The following SAMD5 variants were observed in gnomAD, a reference collection of about 807,000 sequenced individuals.
The protein encoded by SAMD5 is sterile alpha motif domain-containing protein 5.
SAMD5 carries 13 observed loss-of-function variants against 11.3 expected under a neutral mutation model. The ratio of observed to expected loss-of-function variants is 1.15; its 90% confidence interval spans 0.75 to 1.83. The LOEUF (loss-of-function observed/expected upper bound fraction) is 1.83. SAMD5 is among the 40% of genes most tolerant of loss of function. The pLI is 0.00. For missense variants in SAMD5, 255 were observed against 239.1 expected, an observed-to-expected ratio of 1.07 and a Z score of -0.44; for synonymous variants, 129 against 111.3, an observed-to-expected ratio of 1.16 and a Z score of -1.00.
At chr6:147,626,644 A>G (rs1790054333) in intron 1 of SAMD5, among the ~76,000 whole-genome samples, 2 of 152,042 alleles carry the variant, frequency 1.3e-5, no homozygotes, top group Admixed American at 6.5e-5. Context: ...AAAAGAACCA[A>G]TGCCTTAAAA....
intron 1 of SAMD5, among the ~76,000 whole-genome samples, chr6:147,534,876 CAAG>C (rs1008887544): frequency 6.6e-6 from 1 of 152,154 alleles, no homozygotes; most frequent in African/African-American, 2.4e-5. Context: ...AGTCCCCAGG[CAAG>C]AAGGAGAGGT....
In SAMD5 at chr6:147,701,489, C is replaced by A. The variant is rs191414419; in HGVS notation, c.163-35828C>A. 1.9e-3 allele frequency among the ~76,000 whole-genome samples: 291 copies of A among 151,936 alleles called. 3 individuals carry two copies. Among genetic ancestry groups the A allele is most frequent in the African/African-American group, 6.7e-3 (279 of 41,466 alleles). ...TCTGTACTAAAAATACAAAAATTAG[C>A]CAGGCGTGGTGACACGCGCCTGTAA... On this transcript the variant is annotated intron_variant, in intron 1 of 1. Transcript: ENST00000566741.
chr6:147,707,759 C>G (rs1430290519), intron 1 of SAMD5, among the ~76,000 whole-genome samples: 1 of 152,100 alleles, frequency 6.6e-6, no homozygotes, highest in Non-Finnish European at 1.5e-5. Flanking sequence ...TAAACAGATA[C>G]TGAAGAAAAG....
intron 1 of SAMD5, among the ~76,000 whole-genome samples, chr6:147,644,593 ATAAT>A (rs1479400287): frequency 2.0e-5 from 3 of 152,204 alleles, no homozygotes; most frequent in South Asian, 2.1e-4. Context: ...TTCAAAACTT[ATAAT>A]TAGAGAGTCT....
At chr6:147,641,477 G>A (rs1790311115) in intron 1 of SAMD5, among the ~76,000 whole-genome samples, 1 of 152,094 alleles carries the variant, frequency 6.6e-6, no homozygotes, top group African/African-American at 2.4e-5. Flanking sequence ...AGAAAGCAGG[G>A]GCACGTCGCA....
the SAMD5 span, among the ~76,000 whole-genome samples, chr6:147,917,888 G>C: frequency 6.6e-6 from 1 of 152,154 alleles, no homozygotes; most frequent in African/African-American, 2.4e-5. Flanking sequence ...TATTATTTCT[G>C]AGGGCTCTGT....
the SAMD5 span, among the ~76,000 whole-genome samples, chr6:147,921,264 G>A: frequency 1.7e-5 from 2 of 120,148 alleles, no homozygotes; most frequent in African/African-American, 7.4e-5. Flanking sequence ...AAACAAAAGA[G>A]AGAGTATAAA....
At chr6:147,792,450 A>G in the SAMD5 span, among the ~76,000 whole-genome samples, 7 of 152,296 alleles carry the variant, frequency 4.6e-5, no homozygotes, top group Non-Finnish European at 7.4e-5. Flanking sequence ...TTGTGAACTA[A>G]TGTTTAGCTA....
At chr6:147,635,717 C>G (rs972174848) in intron 1 of SAMD5, among the ~76,000 whole-genome samples, 1 of 152,176 alleles carries the variant, frequency 6.6e-6, no homozygotes, top group African/African-American at 2.4e-5. Context: ...CTTTGGCATG[C>G]CTTTCATGCA....
At chr6:147,561,158 T>G (rs779416113) in intron 1 of SAMD5, among the ~76,000 whole-genome samples, 2 of 152,218 alleles carry the variant, frequency 1.3e-5, no homozygotes, top group Non-Finnish European at 2.9e-5. Flanking sequence ...TAACTTGGTA[T>G]TTATTCCTGC....
intron 1 of SAMD5, among the ~76,000 whole-genome samples, chr6:147,655,813 AC>A (rs1294889904): frequency 6.6e-6 from 1 of 152,202 alleles, no homozygotes; most frequent in Non-Finnish European, 1.5e-5. Context: ...GACAATTAAA[AC>A]AATATAAATG....
chr6:147,852,427 C>T, the SAMD5 span, among the ~76,000 whole-genome samples: 1 of 151,820 alleles, frequency 6.6e-6, no homozygotes, highest in Non-Finnish European at 1.5e-5. Context: ...GTGGTATTTC[C>T]TGAGTATTTG....
the SAMD5 span, among the ~76,000 whole-genome samples, chr6:147,748,067 C>T: frequency 6.6e-6 from 1 of 152,134 alleles, no homozygotes; most frequent in Non-Finnish European, 1.5e-5. Context: ...CAAAGTTTCT[C>T]ACCAACTCAG....
chr6:147,740,874 G>A (rs1791870331), downstream of SAMD5, among the ~76,000 whole-genome samples: 1 of 152,192 alleles, frequency 6.6e-6, no homozygotes, highest in Non-Finnish European at 1.5e-5. Flanking sequence ...ATTAACTTCT[G>A]ACCAATCCTC....
chr6:147,712,128 G>A (rs931182658), intron 1 of SAMD5, among the ~76,000 whole-genome samples: 4 of 152,066 alleles, frequency 2.6e-5, no homozygotes, highest in African/African-American at 9.7e-5. Flanking sequence ...TTTATAGCTA[G>A]CTAAAGCACA....
At chr6:147,642,316 G>A (rs556073333) in intron 1 of SAMD5, among the ~76,000 whole-genome samples, 40 of 152,254 alleles carry the variant, frequency 2.6e-4, no homozygotes, top group African/African-American at 9.1e-4. Context: ...ATGACAAGGG[G>A]CTGTGAAAAA....
At chr6:147,909,293 C>T in the SAMD5 span, among the ~76,000 whole-genome samples, 21 of 151,026 alleles carry the variant, frequency 1.4e-4, no homozygotes, top group African/African-American at 5.1e-4. Context: ...TGCTTTTGTA[C>T]AGTAAAGTCC....
chr6:147,630,001 G>T (rs1342779087), intron 1 of SAMD5, among the ~76,000 whole-genome samples: 1 of 149,272 alleles, frequency 6.7e-6, no homozygotes, highest in Admixed American at 6.7e-5. Flanking sequence ...CCAGGCTGTG[G>T]TGCAATGGCA....
intron 1 of SAMD5, among the ~76,000 whole-genome samples, chr6:147,703,359 A>C (rs774808243): frequency 6.6e-6 from 1 of 152,328 alleles, no homozygotes; most frequent in African/African-American, 2.4e-5. Flanking sequence ...GGCGTGAGCC[A>C]CCATGCCCGG....
Sources: allele counts gnomAD v4.1 joint callset (sites outside exome capture counted in the v4.1 genomes callset), GRCh38; gene constraint gnomAD v4.1.1; transcripts MANE v1.5; gene names NCBI Gene and HGNC (gene_info 2026-07-23, HGNC 2026-07-21).